The following NID1 variants were observed in gnomAD, a reference collection of about 807,000 sequenced individuals.
The protein encoded by NID1 is nidogen-1.
In NID1, 76 loss-of-function variants were observed where a neutral mutation model predicts 130.6. The observed-to-expected ratio is 0.58, with a 90% CI of 0.48 to 0.70. The LOEUF is 0.70. Ranked by LOEUF, NID1 falls within the 30% of genes least tolerant of loss-of-function variation. NID1 has a pLI of 0.00. For missense variants in NID1, 1,517 were observed against 1,664.8 expected (o/e 0.91, Z 1.54); for synonymous variants, 665 against 675.1 (o/e 0.98, Z 0.23).
rs368325718 is a variant in NID1 at position 236,029,596 on chromosome 1, G to A, written c.1692C>T (p.Ser564=). The A allele has an allele frequency of 8.2e-6, 13 of 1,589,784 alleles. No individual in the cohort carries two copies. The highest frequency in any genetic ancestry group is 8.1e-5 in the African/African-American group (6 of 74,518). ...GCTCCGTGTAGGGCTCAATGTGCAC[G>A]GAGGAGCCGAACGGAATCTGCGGCA... The part of the protein sequence containing the change: ...GRVPQIPFGS[S]VHIEPYTELY... The change falls in exon 7 of 20, where the codon TCC becomes TCT. Residue 564 remains serine (S), a synonymous_variant. Coordinates refer to ENST00000264187, the MANE Select transcript of NID1 (RefSeq NM_002508.3).
At chr1:236,023,722 G>A (rs1658837600) in intron 9 of NID1, among the ~76,000 whole-genome samples, 1 of 152,132 alleles carries the variant, frequency 6.6e-6, no homozygotes, top group African/African-American at 2.4e-5. Context: ...GAAGCACTTA[G>A]TTCAAACAGT....
intron 1 of NID1, among the ~76,000 whole-genome samples, chr1:236,061,633 T>A (rs1271358184): frequency 1.3e-5 from 2 of 152,098 alleles, no homozygotes; most frequent in Non-Finnish European, 2.9e-5. Context: ...ACCTGGCTGT[T>A]TTTCGTATTT....
intron 14 of NID1, among the ~76,000 whole-genome samples, chr1:235,986,899 C>T (rs923397136): frequency 6.6e-6 from 1 of 152,234 alleles, no homozygotes; most frequent in Non-Finnish European, 1.5e-5. Flanking sequence ...GGAAAGAGAA[C>T]ATTTCCTTCA....
At chr1:236,042,411 G>T in intron 3 of NID1, 119 bp from the exon 4 acceptor site, 1 of 1,281,294 alleles carries the variant, frequency 7.8e-7, no homozygotes. Flanking sequence ...CTGCAGCTAG[G>T]ACTGGAGAGT....
Position 236,045,696 on chromosome 1 carries a change from G to A in NID1, c.526-13C>T, listed in dbSNP as rs1443418425. 3.1e-6 allele frequency: 5 copies of A among 1,590,086 alleles called. No individual in the cohort carries two copies. Among genetic ancestry groups the A allele is most frequent in the Non-Finnish European group, 4.3e-6 (5 of 1,164,382 alleles). ...GGAACGTGTTTCTCTGTGAAGATGA[G>A]TTAAAATTCAGTTACTCGGAAAAAT... On this transcript the variant is annotated splice_polypyrimidine_tract_variant and intron_variant, in intron 2 of 19. Transcript: ENST00000264187.
intron 14 of NID1, among the ~76,000 whole-genome samples, chr1:235,987,715 G>T (rs1369730827): frequency 1.3e-5 from 2 of 152,178 alleles, no homozygotes; most frequent in African/African-American, 2.4e-5. Context: ...CGTGGACACA[G>T]TACTAGGCAT....
intron 1 of NID1, among the ~76,000 whole-genome samples, chr1:236,064,081 C>G (rs1660121186): frequency 6.6e-6 from 1 of 152,210 alleles, no homozygotes; most frequent in Non-Finnish European, 1.5e-5. Context: ...GGAATGCACA[C>G]AAGCCTTATA....
At chr1:235,980,386 G>T (rs1657402032) in intron 17 of NID1, 110 bp downstream of exon 17, 1 of 1,082,754 alleles carries the variant, frequency 9.2e-7, no homozygotes, top group Admixed American at 2.5e-5. Flanking sequence ...ATAGCTTCTG[G>T]GTTATATAAA....
At chr1:236,027,348 T>C (rs1193047500) in intron 7 of NID1, among the ~76,000 whole-genome samples, 1 of 152,086 alleles carries the variant, frequency 6.6e-6, no homozygotes, top group East Asian at 1.9e-4. Flanking sequence ...AAAAGATCAG[T>C]GTAAGCTGCC....
intron 1 of NID1, among the ~76,000 whole-genome samples, chr1:236,057,985 C>T (rs559846299): frequency 6.6e-6 from 1 of 152,130 alleles, no homozygotes; most frequent in Non-Finnish European, 1.5e-5. Flanking sequence ...GGCAGCAGCA[C>T]GTTCCTTGCT....
At chr1:236,045,340 A>G (rs1659569367) in intron 3 of NID1, 117 bp downstream of exon 3, 1 of 678,384 alleles carries the variant, frequency 1.5e-6, no homozygotes, top group African/African-American at 1.8e-5. Flanking sequence ...TATAAAAACT[A>G]TATGCAAAAC....
chr1:236,038,571 C>A (rs570041420), intron 4 of NID1, among the ~76,000 whole-genome samples: 62 of 151,758 alleles, frequency 4.1e-4, no homozygotes, highest in Non-Finnish European at 6.9e-4. Context: ...TTAGTGCTAT[C>A]CAATAGCAAT....
rs566459738 is a variant in NID1, at chr1:236,020,000, G to A, written c.2129-2727C>T. On this transcript the variant is annotated intron_variant, in intron 9 of 19. Transcript: ENST00000264187. ...TGCAGTGAGCCGAAATTGCGCCATT[G>A]TACTCCTGCCTGGGCGACAGAGCAA... is the stretch of plus-strand genomic sequence containing the variant. Among the ~76,000 whole-genome samples the A allele has an allele frequency of 4.5e-5, 6 of 132,346 alleles. No individual in the cohort carries two copies. The East Asian group carries it at 7.2e-4, about 16-fold the overall frequency. The allele number at this position is 132,346 out of a possible 152,430, so 86.8% of individuals were successfully genotyped here.
rs191161646 is a variant in NID1 at position 235,989,203 on chromosome 1, C to T, written c.2928+1683G>A. Among the ~76,000 whole-genome samples the T allele has an allele frequency of 8.5e-4, 128 of 151,474 alleles. 2 individuals are homozygous for T. The highest frequency in any genetic ancestry group is 2.9e-3 in the African/African-American group (119 of 41,298). On this transcript the variant is annotated intron_variant, in intron 14 of 19. Coordinates refer to ENST00000264187, the MANE Select transcript of NID1 (RefSeq NM_002508.3). The stretch of plus-strand genomic sequence containing the variant: ...TCCCAAGTAGCTGGGATTACAGGAA[C>T]GCACCACCATGTGCAGATAATTTTT...
chr1:235,985,847 A>G (rs10803192), intron 14 of NID1, among the ~76,000 whole-genome samples: 37,677 of 151,512 alleles, frequency 0.25, 5,626 homozygotes, highest in East Asian at 0.63. Context: ...TGCAGCCTCA[A>G]CCTCCTGAAC....
chr1:236,041,742 A>G (rs1369000313), intron 4 of NID1, among the ~76,000 whole-genome samples, 168 bp downstream of exon 4: 2 of 152,224 alleles, frequency 1.3e-5, no homozygotes. Context: ...GCCACTGGGC[A>G]TATAACACCA....
chr1:236,063,302 T>C (rs1660093887), intron 1 of NID1, among the ~76,000 whole-genome samples: 1 of 151,672 alleles, frequency 6.6e-6, no homozygotes, highest in Admixed American at 6.6e-5. Context: ...TGAAACCATG[T>C]CTCTACTTAA....
intron 12 of NID1, 135 bp downstream of exon 12, chr1:236,011,783 AACG>A (rs1658432140): frequency 7.6e-7 from 1 of 1,315,540 alleles, no homozygotes; most frequent in Non-Finnish European, 1.1e-6. Flanking sequence ...TGGACAGGGC[AACG>A]GGCCATGTGC....
At chr1:236,036,997 G>T (rs1659279367) in intron 5 of NID1, among the ~76,000 whole-genome samples, 1 of 152,170 alleles carries the variant, frequency 6.6e-6, no homozygotes, top group South Asian at 2.1e-4. Context: ...GTGGGGTTTT[G>T]CCATTTTTGT....
Sources: gnomAD v4.1 joint callset for allele counts (sites outside exome capture counted in the v4.1 genomes callset) on GRCh38, gnomAD v4.1.1 for gene constraint, MANE v1.5 for transcripts, NCBI Gene and HGNC (gene_info 2026-07-23, HGNC 2026-07-21) for gene names.